Variants in KCNC2 observed in about 807,000 individuals in gnomAD.
KCNC2 encodes potassium voltage-gated channel subfamily C member 2.
KCNC2 carries 21 observed loss-of-function variants against 44.5 expected under a neutral mutation model. That is an observed-to-expected ratio of 0.47 (90% CI 0.33 to 0.68). The LOEUF (loss-of-function observed/expected upper bound fraction) is 0.68. Ranked by LOEUF, KCNC2 falls within the 30% of genes least tolerant of loss-of-function variation. The probability of loss-of-function intolerance (pLI) is 0.01; values close to 1 mark genes in which losing one functional copy is unlikely to be tolerated. For synonymous variants in KCNC2, 391 were observed against 339.1 expected, an observed-to-expected ratio of 1.15 and a Z score of -1.68; for missense variants, 589 against 826.2, an observed-to-expected ratio of 0.71 and a Z score of 3.52.
chr12:75,138,554 G>A lies in KCNC2; in HGVS notation c.687+68743C>T, dbSNP rs1374065855. Among the ~76,000 whole-genome samples, 3 of 152,120 alleles carry A rather than the reference G, an allele frequency of 2.0e-5. No individual in the cohort carries two copies. In the East Asian group the frequency reaches 5.8e-4, roughly 29 times the overall value. ...GTCCATATTTTAATAGCCTTCCAAG[G>A]TGATCCTTGTGTACACTAAAGTTTG... On this transcript the variant is annotated intron_variant, in intron 2 of 4. Coordinates refer to ENST00000549446, the MANE Select transcript of KCNC2 (RefSeq NM_139137.4).
chr12:75,201,295 AAAAC>A lies in KCNC2; in HGVS notation c.687+5998_687+6001del, dbSNP rs1284640841. On this transcript the variant is annotated intron_variant, in intron 2 of 4. Transcript: ENST00000549446. ...AAAAAAAAAAAAAAAAAAAAAAAAA[AAAAC>A]CAGATTCTGGTTTACTTTATTAGTG... 2.3e-3 allele frequency among the ~76,000 whole-genome samples: 133 copies of A among 57,866 alleles called. 22 individuals are homozygous for A. The highest frequency in any genetic ancestry group is 0.014 in the African/African-American group (116 of 8,498). The allele number at this position is 57,866 out of a possible 152,430, so 38.0% of individuals were successfully genotyped here. A position where few individuals can be genotyped will look rare whatever the true frequency, so the allele number is the denominator to read the frequency against.
intron 2 of KCNC2, among the ~76,000 whole-genome samples, chr12:75,191,333 A>G (rs2030188879): frequency 6.6e-6 from 1 of 151,516 alleles, no homozygotes; most frequent in Non-Finnish European, 1.5e-5. Context: ...GTCTTTGGGG[A>G]AAAAAAGACC....
chr12:75,127,377 C>T (rs1293778653), intron 2 of KCNC2, among the ~76,000 whole-genome samples: 4 of 152,022 alleles, frequency 2.6e-5, no homozygotes, highest in South Asian at 2.1e-4. Context: ...TATGGAACTA[C>T]GGAGACAACA....
chr12:75,117,161 T>C (rs1329699168), intron 2 of KCNC2, among the ~76,000 whole-genome samples: 1 of 152,352 alleles, frequency 6.6e-6, no homozygotes, highest in Non-Finnish European at 1.5e-5. Context: ...CATTTGTCTC[T>C]GTACACTGAG....
At chr12:75,137,832 C>T (rs886815088) in intron 2 of KCNC2, among the ~76,000 whole-genome samples, 4 of 152,162 alleles carry the variant, frequency 2.6e-5, no homozygotes, top group Non-Finnish European at 4.4e-5. Flanking sequence ...GAAGGAACAG[C>T]GCATCAGTAC....
chr12:75,058,182 G>A (rs1052099868), intron 2 of KCNC2, among the ~76,000 whole-genome samples: 10 of 151,712 alleles, frequency 6.6e-5, no homozygotes, highest in African/African-American at 2.2e-4. Flanking sequence ...TTATAAAAAT[G>A]TTTTTTATAA....
chr12:75,179,059 C>A (rs1429861476), intron 2 of KCNC2, among the ~76,000 whole-genome samples: 1 of 151,752 alleles, frequency 6.6e-6, no homozygotes, highest in Non-Finnish European at 1.5e-5. Flanking sequence ...CAGAAACATA[C>A]TAAAAGAAAA....
intron 2 of KCNC2, among the ~76,000 whole-genome samples, chr12:75,202,277 G>A (rs1192904945): frequency 1.3e-5 from 2 of 151,550 alleles, no homozygotes; most frequent in African/African-American, 4.8e-5. Flanking sequence ...CATAAATCAG[G>A]CCACCTCATA....
chr12:75,209,176 T>C, intron 1 of KCNC2, 31 bp downstream of exon 1: 1 of 152,770 alleles, frequency 6.5e-6, no homozygotes, highest in Non-Finnish European at 1.5e-5. Context: ...AAATCGCCCC[T>C]TTCACCACCC....
intron 2 of KCNC2, among the ~76,000 whole-genome samples, chr12:75,058,042 G>T (rs1193864196): frequency 6.6e-6 from 1 of 151,836 alleles, no homozygotes; most frequent in African/African-American, 2.4e-5. Flanking sequence ...TGTGTTATTG[G>T]TATTATCACA....
intron 2 of KCNC2, among the ~76,000 whole-genome samples, chr12:75,145,480 A>G (rs1889956045): frequency 6.6e-6 from 1 of 151,818 alleles, no homozygotes; most frequent in South Asian, 2.1e-4. Context: ...AAAAAAAAAG[A>G]CATTATCCTT....
intron 3 of KCNC2, among the ~76,000 whole-genome samples, 194 bp from the exon 4 acceptor site, chr12:75,048,511 A>C (rs1880799670): frequency 6.6e-6 from 1 of 152,114 alleles, no homozygotes. Context: ...TATTGAAAAG[A>C]ATAGAAATGT....
chr12:75,168,286 A>T (rs534110634), intron 2 of KCNC2, among the ~76,000 whole-genome samples: 1 of 151,452 alleles, frequency 6.6e-6, no homozygotes. Flanking sequence ...AAAATATAAC[A>T]ATAAGGAATA....
At chr12:75,057,291 C>T (rs999201755) in intron 2 of KCNC2, among the ~76,000 whole-genome samples, 15 of 150,916 alleles carry the variant, frequency 9.9e-5, no homozygotes, top group African/African-American at 3.0e-4. Flanking sequence ...CCATAATTAA[C>T]GAGTTTGTTG....
At position 75,071,012 on chromosome 12, in the gene KCNC2, T is replaced by A. The variant is rs76179786; in HGVS notation, c.688-19695A>T. Among the ~76,000 whole-genome samples the A allele has an allele frequency of 2.9e-3, 449 of 152,340 alleles. 2 individuals carry two copies. The highest frequency in any genetic ancestry group is 1.0e-2 in the African/African-American group (415 of 41,580). ...TTTTATTTTTATTTTTCTCATTATT[T>A]TCATGTACCTATTACTTTTTTTGGT... is the stretch of plus-strand genomic sequence containing the variant. On this transcript the variant is annotated intron_variant, in intron 2 of 4. Transcript: ENST00000549446.
Position 75,095,740 on chromosome 12 carries a change from T to G in KCNC2, c.688-44423A>C, listed in dbSNP as rs138654273. Among the ~76,000 whole-genome samples the G allele has an allele frequency of 3.0e-3, 450 of 152,022 alleles. 2 individuals are homozygous for G. Among genetic ancestry groups the G allele is most frequent in the African/African-American group, 0.01 (416 of 41,538 alleles). ...AGCCACCTAATACGCAGGAAAACAA[T>G]CACCTTAAAAATACTTGTTGAGTAA... On this transcript the variant is annotated intron_variant, in intron 2 of 4. Coordinates refer to ENST00000549446, the MANE Select transcript of KCNC2 (RefSeq NM_139137.4).
intron 2 of KCNC2, among the ~76,000 whole-genome samples, chr12:75,113,178 G>T (rs1295069785): frequency 6.6e-6 from 1 of 152,140 alleles, no homozygotes; most frequent in Non-Finnish European, 1.5e-5. Flanking sequence ...CATCTGGAAT[G>T]TTCAAAGTGA....
At chr12:75,206,432 A>G (rs10735985) in intron 2 of KCNC2, among the ~76,000 whole-genome samples, 77,654 of 152,124 alleles carry the variant, frequency 0.51, 23,239 homozygotes, top group African/African-American at 0.85. Flanking sequence ...TTAATTGGGA[A>G]TGTCAAGGAT....
chr12:75,203,365 T>A (rs1436957133), intron 2 of KCNC2, among the ~76,000 whole-genome samples: 1 of 151,764 alleles, frequency 6.6e-6, no homozygotes, highest in Non-Finnish European at 1.5e-5. Context: ...ACGGAGTACG[T>A]TTTGGTAATG....
Sources: allele counts gnomAD v4.1 joint callset (sites outside exome capture counted in the v4.1 genomes callset), GRCh38; gene constraint gnomAD v4.1.1; transcripts MANE v1.5; gene names NCBI Gene and HGNC (gene_info 2026-07-23, HGNC 2026-07-21).